PKIB: variants seen among roughly 807,000 people sequenced by gnomAD.
PKIB encodes cAMP-dependent protein kinase inhibitor beta, also known as PKI-beta.
A neutral mutation model predicts 4.5 loss-of-function variants in PKIB; 2 were observed. The ratio of observed to expected loss-of-function variants is 0.44; its 90% CI spans 0.18 to 1.39. The LOEUF is 1.39. Ranked by LOEUF, PKIB falls within the 40% of genes most tolerant of loss-of-function variation. The probability of loss-of-function intolerance (pLI) is 0.27; values close to 1 mark genes in which losing one functional copy is unlikely to be tolerated. For missense variants in PKIB, 94 were observed against 92.6 expected, an observed-to-expected ratio of 1.02 and a Z score of -0.06; for synonymous variants, 38 against 36.0, an observed-to-expected ratio of 1.06 and a Z score of -0.20.
intron 4 of PKIB, among the ~76,000 whole-genome samples, chr6:122,719,087 C>T (rs893992224): frequency 2.6e-5 from 4 of 152,066 alleles, no homozygotes; most frequent in African/African-American, 4.8e-5. Flanking sequence ...AGGAAGATGT[C>T]GTTGCTGTTC....
At chr6:122,496,392 A>C (rs538380442) in intron 2 of PKIB, among the ~76,000 whole-genome samples, 1 of 152,356 alleles carries the variant, frequency 6.6e-6, no homozygotes, top group East Asian at 1.9e-4. Flanking sequence ...ACCAAAATGG[A>C]AGCTCAGAAA....
At chr6:122,487,515 G>C (rs533307575) in intron 2 of PKIB, among the ~76,000 whole-genome samples, 1 of 152,094 alleles carries the variant, frequency 6.6e-6, no homozygotes, top group South Asian at 2.1e-4. Context: ...TTCATGATTG[G>C]GATTTATGCT....
intron 2 of PKIB, among the ~76,000 whole-genome samples, chr6:122,558,288 TC>T (rs576200012): frequency 1.9e-3 from 287 of 152,310 alleles, no homozygotes; most frequent in African/African-American, 6.5e-3. Context: ...TATTGACAGT[TC>T]CAGGCTTATA....
intron 2 of PKIB, among the ~76,000 whole-genome samples, chr6:122,584,553 A>G (rs1399087775): frequency 6.6e-6 from 1 of 152,096 alleles, no homozygotes; most frequent in Non-Finnish European, 1.5e-5. Flanking sequence ...AATACGCAAA[A>G]ATTAAGTAAA....
At chr6:122,539,274 A>G (rs1777511052) in intron 2 of PKIB, among the ~76,000 whole-genome samples, 2 of 152,010 alleles carry the variant, frequency 1.3e-5, no homozygotes, top group African/African-American at 2.4e-5. Flanking sequence ...TTCAAAGGGA[A>G]TGCTTCCAGT....
chr6:122,652,526 G>C (rs1034062517), intron 2 of PKIB, among the ~76,000 whole-genome samples: 2 of 152,046 alleles, frequency 1.3e-5, no homozygotes, highest in Admixed American at 6.5e-5. Flanking sequence ...GATTATTGAT[G>C]ATAATCTCCT....
chr6:122,541,977 G>T (rs183346526), intron 2 of PKIB, among the ~76,000 whole-genome samples: 2 of 151,968 alleles, frequency 1.3e-5, no homozygotes, highest in East Asian at 3.9e-4. Context: ...GATCGCATCG[G>T]CTCCTGAGGC....
chr6:122,569,110 T>C (rs1313795656), intron 2 of PKIB, among the ~76,000 whole-genome samples: 1 of 152,180 alleles, frequency 6.6e-6, no homozygotes, highest in Non-Finnish European at 1.5e-5. Context: ...ATAGGGCCTG[T>C]GGCTAGCCCC....
At chr6:122,636,509 A>G (rs1041253862) in intron 2 of PKIB, among the ~76,000 whole-genome samples, 13 of 152,088 alleles carry the variant, frequency 8.5e-5, no homozygotes, top group Non-Finnish European at 1.9e-4. Context: ...AGAAAATAAC[A>G]TCTATTGAGA....
At chr6:122,666,864 G>A (rs1030271776) in intron 2 of PKIB, among the ~76,000 whole-genome samples, 7 of 152,088 alleles carry the variant, frequency 4.6e-5, no homozygotes, top group East Asian at 1.9e-4. Context: ...TCCATATGGC[G>A]GACAGACCTG....
intron 2 of PKIB, among the ~76,000 whole-genome samples, chr6:122,541,678 G>C (rs1213610837): frequency 6.6e-6 from 1 of 151,632 alleles, no homozygotes. Context: ...TGCTCTTCTC[G>C]AGGAGTATCT....
At chr6:122,624,593 A>C (rs1775360741) in intron 1 of PKIB, among the ~76,000 whole-genome samples, 1 of 152,234 alleles carries the variant, frequency 6.6e-6, no homozygotes, top group Admixed American at 6.5e-5. Flanking sequence ...ATTAAGTATC[A>C]AGGAATGGTC....
chr6:122,716,974 T>G (rs760248560), intron 3 of PKIB, among the ~76,000 whole-genome samples: 3 of 152,298 alleles, frequency 2.0e-5, no homozygotes, highest in Middle Eastern at 3.4e-3. Flanking sequence ...AATACAATGC[T>G]TCTGCTTTCG....
chr6:122,680,561 G>C (rs936522990), intron 3 of PKIB, among the ~76,000 whole-genome samples: 2 of 152,120 alleles, frequency 1.3e-5, no homozygotes, highest in South Asian at 2.1e-4. Context: ...TGATTTCTGC[G>C]ACCTGCCTTG....
At chr6:122,552,745 C>T (rs551938830) in intron 2 of PKIB, among the ~76,000 whole-genome samples, 17 of 152,234 alleles carry the variant, frequency 1.1e-4, no homozygotes, top group African/African-American at 4.1e-4. Context: ...TTTCTCTGCA[C>T]CCTAGATGGT....
intron 2 of PKIB, among the ~76,000 whole-genome samples, chr6:122,517,864 C>G (rs978871236): frequency 6.6e-6 from 1 of 152,136 alleles, no homozygotes; most frequent in African/African-American, 2.4e-5. Flanking sequence ...GATATTGGCC[C>G]AAGAATCATT....
intron 2 of PKIB, among the ~76,000 whole-genome samples, chr6:122,558,491 A>AT (rs1212007064): frequency 6.6e-6 from 1 of 152,172 alleles, no homozygotes; most frequent in Non-Finnish European, 1.5e-5. Context: ...CAAACCTCAC[A>AT]TGTTGGAAAT....
chr6:122,513,533 A>G (rs544018967), intron 2 of PKIB, among the ~76,000 whole-genome samples: 1 of 152,268 alleles, frequency 6.6e-6, no homozygotes, highest in East Asian at 1.9e-4. Flanking sequence ...TTGTGAGTAC[A>G]TTGTGTGGTG....
At chr6:122,670,003 C>A (rs1317254496) in intron 2 of PKIB, among the ~76,000 whole-genome samples, 1 of 151,228 alleles carries the variant, frequency 6.6e-6, no homozygotes, top group African/African-American at 2.4e-5. Context: ...GTGGCTTAAC[C>A]AGGTTAGGGA....
Sources: gnomAD v4.1 joint callset for allele counts (sites outside exome capture counted in the v4.1 genomes callset) on GRCh38, gnomAD v4.1.1 for gene constraint, MANE v1.5 for transcripts, NCBI Gene and HGNC (gene_info 2026-07-23, HGNC 2026-07-21) for gene names.